Variants in ABCD3 observed in about 807,000 individuals in gnomAD.
ABCD3 encodes ATP-binding cassette sub-family D member 3.
ABCD3 carries 41 observed loss-of-function variants against 105.5 expected under a neutral mutation model. That is an observed-to-expected ratio of 0.39 (90% CI 0.30 to 0.50). ABCD3 has a LOEUF of 0.50. ABCD3 is among the 20% of genes least tolerant of loss of function. The probability of loss-of-function intolerance (pLI) is 0.84; values close to 1 mark genes in which losing one functional copy is unlikely to be tolerated. For missense variants in ABCD3, 622 were observed against 806.3 expected (o/e 0.77, Z 2.77); for synonymous variants, 258 against 269.0 (o/e 0.96, Z 0.40).
At chr1:94,404,285 C>T in the ABCD3 span, among the ~76,000 whole-genome samples, 1 of 152,156 alleles carries the variant, frequency 6.6e-6, no homozygotes, top group Non-Finnish European at 1.5e-5. Flanking sequence ...CTAGAATAAA[C>T]AAGTCTACTA....
chr1:94,469,658 C>T (rs922687467), intron 4 of ABCD3, among the ~76,000 whole-genome samples: 7 of 111,660 alleles, frequency 6.3e-5, no homozygotes, highest in Admixed American at 9.9e-5. Flanking sequence ...TTCCAGTGTT[C>T]TTGCCTTTTT....
chr1:94,392,907 A>C, the ABCD3 span, among the ~76,000 whole-genome samples: 1 of 152,114 alleles, frequency 6.6e-6, no homozygotes, highest in African/African-American at 2.4e-5. Context: ...AGGTCAAGAG[A>C]TGGAGACTAT....
At chr1:94,464,695 A>G in intron 2 of ABCD3, 80 bp from the exon 3 acceptor site, 1 of 1,234,252 alleles carries the variant, frequency 8.1e-7, no homozygotes, top group Non-Finnish European at 1.2e-6. Context: ...GTTTATGTTG[A>G]CTTAGATGAA....
At chr1:94,418,352 G>A (rs1659102247), upstream of ABCD3, 1 of 709,618 alleles carries the variant, frequency 1.4e-6, no homozygotes, top group South Asian at 2.0e-5. Context: ...GAGCCAGGGG[G>A]CGGTCCTGCG....
At chr1:94,484,745 C>G (rs915762602) in intron 10 of ABCD3, among the ~76,000 whole-genome samples, 2 of 152,072 alleles carry the variant, frequency 1.3e-5, no homozygotes, top group Admixed American at 6.6e-5. Flanking sequence ...TGTAACAAAC[C>G]TGCACGTTGT....
chr1:94,446,064 C>T (rs910726215), intron 1 of ABCD3, among the ~76,000 whole-genome samples: 2 of 152,114 alleles, frequency 1.3e-5, no homozygotes, highest in African/African-American at 4.8e-5. Context: ...AAAAAATCAG[C>T]GAATCAGGCT....
intron 1 of ABCD3, among the ~76,000 whole-genome samples, chr1:94,447,132 G>C (rs1660380119): frequency 6.6e-6 from 1 of 152,168 alleles, no homozygotes; most frequent in Non-Finnish European, 1.5e-5. Context: ...CTTTAAAATG[G>C]TTAACAGATA....
intron 1 of ABCD3, among the ~76,000 whole-genome samples, chr1:94,420,839 A>G (rs1462806909): frequency 6.6e-6 from 1 of 152,142 alleles, no homozygotes; most frequent in African/African-American, 2.4e-5. Context: ...GTGCTTAATT[A>G]AGGAAACTGT....
intron 1 of ABCD3, among the ~76,000 whole-genome samples, chr1:94,445,186 AGG>A (rs1474235090): frequency 6.6e-6 from 1 of 152,196 alleles, no homozygotes; most frequent in Non-Finnish European, 1.5e-5. Context: ...TCAGCTCTGA[AGG>A]CTGTGAGACC....
At chr1:94,485,453 G>A (rs924442305) in intron 10 of ABCD3, among the ~76,000 whole-genome samples, 11 of 151,984 alleles carry the variant, frequency 7.2e-5, no homozygotes, top group East Asian at 1.9e-4. Context: ...TTGCCTCGTC[G>A]GTATTTAACA....
chr1:94,387,913 A>G, the ABCD3 span, among the ~76,000 whole-genome samples: 1 of 152,106 alleles, frequency 6.6e-6, no homozygotes, highest in African/African-American at 2.4e-5. Context: ...GAAATACCCA[A>G]GGTGCTTTCT....
intron 2 of ABCD3, among the ~76,000 whole-genome samples, chr1:94,463,832 T>C (rs1266545218): frequency 6.6e-6 from 1 of 152,200 alleles, no homozygotes; most frequent in Non-Finnish European, 1.5e-5. Context: ...GCTTCAAGGC[T>C]CTGTCCTTTA....
At chr1:94,490,216 C>T (rs952983766) in intron 15 of ABCD3, among the ~76,000 whole-genome samples, 5 of 151,898 alleles carry the variant, frequency 3.3e-5, no homozygotes, top group African/African-American at 9.7e-5. Flanking sequence ...TACCTATCGC[C>T]TCTACATAGT....
chr1:94,434,903 G>A (rs1191074101), intron 1 of ABCD3, among the ~76,000 whole-genome samples: 2 of 151,732 alleles, frequency 1.3e-5, no homozygotes, highest in African/African-American at 4.8e-5. Context: ...CTGTATAATC[G>A]CATCTTTGTG....
At chr1:94,487,403 A>G in intron 10 of ABCD3, 139 bp from the exon 11 acceptor site, 1 of 816,292 alleles carries the variant, frequency 1.2e-6, no homozygotes, top group South Asian at 1.5e-5. Context: ...GTACAATATA[A>G]ACAGAATATA....
chr1:94,419,959 C>A (rs921111639), intron 1 of ABCD3, among the ~76,000 whole-genome samples: 1 of 152,142 alleles, frequency 6.6e-6, no homozygotes, highest in Non-Finnish European at 1.5e-5. Flanking sequence ...TTACCTGTTA[C>A]CTGGGAACAT....
chr1:94,453,045 C>G lies in ABCD3; in HGVS notation c.111-5562C>G, dbSNP rs189806498. Among the ~76,000 whole-genome samples the G allele has an allele frequency of 6.6e-5, 10 of 152,258 alleles. No homozygotes were observed. In the East Asian group the frequency reaches 1.9e-3, roughly 29 times the overall value. ...TGGCCTTCCAAAGTGCTCGGCCTTC[C>G]AAAGTGCAGGTGTGAGCCCGCCCAA... On this transcript the variant is annotated intron_variant, in intron 1 of 22. Coordinates refer to ENST00000370214, the MANE Select transcript of ABCD3 (RefSeq NM_002858.4).
At chr1:94,480,241 C>A in intron 8 of ABCD3, 1 of 572,372 alleles carries the variant, frequency 1.7e-6, no homozygotes, top group Non-Finnish European at 3.1e-6. Context: ...TGTAGGAGAG[C>A]TGAGGGATAA....
rs139928099 is a variant in ABCD3 at position 94,468,074 on chromosome 1, C to G, written c.335+67C>G. On this transcript the variant is annotated intron_variant, in intron 4 of 22. Coordinates refer to ENST00000370214, the MANE Select transcript of ABCD3 (RefSeq NM_002858.4). ...AATTTGTCTCATATTTATGCATTAT[C>G]TTTATAAGCAACAAATAGATTCTAA... is the stretch of plus-strand genomic sequence containing the variant. 2.7e-3 allele frequency: 3,017 copies of G among 1,111,960 alleles called. 18 individuals carry two copies. Among genetic ancestry groups the G allele is most frequent in the Middle Eastern group, 4.6e-3 (21 of 4,552 alleles). 68.9% of individuals were successfully genotyped at this position (1,111,960 alleles called of 1,614,324 possible).
Sources: gnomAD v4.1 joint callset for allele counts (sites outside exome capture counted in the v4.1 genomes callset) on GRCh38, gnomAD v4.1.1 for gene constraint, MANE v1.5 for transcripts, NCBI Gene and HGNC (gene_info 2026-07-23, HGNC 2026-07-21) for gene names.